The following CYP4F12 variants were observed in gnomAD, a reference collection of about 807,000 sequenced individuals.
CYP4F12 encodes the protein cytochrome P450 4F12.
In CYP4F12, 60 loss-of-function variants were observed where a neutral mutation model predicts 56.5. The ratio of observed to expected loss-of-function variants is 1.06; its 90% confidence interval spans 0.86 to 1.32. CYP4F12 has a LOEUF of 1.32. Ranked by LOEUF, CYP4F12 falls within the 40% of genes most tolerant of loss-of-function variation. The pLI is 0.00. For synonymous variants in CYP4F12, 263 were observed against 264.9 expected (o/e 0.99, Z 0.07); for missense variants, 711 against 683.5 (o/e 1.04, Z -0.45).
intron 3 of CYP4F12, among the ~76,000 whole-genome samples, chr19:15,679,034 A>T (rs2007139520): frequency 6.6e-6 from 1 of 152,174 alleles, no homozygotes; most frequent in African/African-American, 2.4e-5. Flanking sequence ...ATTCTCCAAT[A>T]GGAGAACCCA....
chr19:15,685,600 A>G (rs1327052493), intron 9 of CYP4F12, among the ~76,000 whole-genome samples: 2 of 152,122 alleles, frequency 1.3e-5, no homozygotes, highest in Non-Finnish European at 2.9e-5. Context: ...TAGTACTAGG[A>G]GCAGAGCACA....
rs573058331 is a variant in CYP4F12 at position 15,695,072 on chromosome 19, A to G, written c.1116-864A>G. ...GCACATGTATGTTTATTGCGGCACT[A>G]TTCACAACAGCAAAGACTTGGAACC... is the stretch of plus-strand genomic sequence containing the variant. On this transcript the variant is annotated intron_variant, in intron 9 of 12. Transcript: ENST00000550308. Among the ~76,000 whole-genome samples, 249 of 152,240 alleles carry G rather than the reference A, an allele frequency of 1.6e-3. 1 individual carries two copies. The highest frequency in any genetic ancestry group is 5.9e-3 in the African/African-American group (243 of 41,536).
chr19:15,684,909 T>A, intron 8 of CYP4F12, 27 bp downstream of exon 8: 1 of 1,585,870 alleles, frequency 6.3e-7, no homozygotes. Flanking sequence ...GGGACTACAG[T>A]GGAGACAGAG....
intron 9 of CYP4F12, among the ~76,000 whole-genome samples, chr19:15,694,758 C>A (rs2008041767): frequency 6.6e-6 from 1 of 152,162 alleles, no homozygotes; most frequent in Admixed American, 6.5e-5. Context: ...AAAATGCTCA[C>A]CATCACTGGC....
intron 9 of CYP4F12, among the ~76,000 whole-genome samples, chr19:15,688,943 G>C (rs781361878): frequency 6.6e-6 from 1 of 151,850 alleles, no homozygotes; most frequent in Non-Finnish European, 1.5e-5. Flanking sequence ...CTCTCACCTT[G>C]TACAAAAATC....
intron 9 of CYP4F12, among the ~76,000 whole-genome samples, chr19:15,690,934 A>C (rs1236747820): frequency 2.0e-5 from 3 of 151,944 alleles, no homozygotes; most frequent in Admixed American, 2.0e-4. Context: ...TATATTCCTT[A>C]TATTTTTTGT....
chr19:15,690,959 A>G (rs575362336), intron 9 of CYP4F12, among the ~76,000 whole-genome samples: 2 of 152,288 alleles, frequency 1.3e-5, no homozygotes, highest in African/African-American at 2.4e-5. Flanking sequence ...TGGTATTTAC[A>G]TATATGGACA....
rs1192876507 is a variant in CYP4F12, at chr19:15,680,281, C to A, written c.381C>A (p.Phe127Leu). 1.9e-6 allele frequency: 3 copies of A among 1,611,506 alleles called. No homozygotes were observed. Among genetic ancestry groups the A allele is most frequent in the African/African-American group, 1.3e-5 (1 of 75,010 alleles). The change falls in exon 4 of 13, where the codon TTC (phenylalanine) becomes TTA (leucine). Residue 127 changes from phenylalanine to leucine, a missense_variant. Transcript: ENST00000550308. Reference sequence around the variant, plus strand: ...CCAAGGATAATCTCTTCATCAGGTTCCTGAAGCCCTGGCTGGGTGAGTACC... The same window carrying A: ...CCAAGGATAATCTCTTCATCAGGTTACTGAAGCCCTGGCTGGGTGAGTACC... The part of the protein sequence containing the change: ...IAPKDNLFIR[F>L]LKPWLGEGIL...
intron 9 of CYP4F12, among the ~76,000 whole-genome samples, chr19:15,685,697 A>G (rs660247): frequency 0.57 from 86,724 of 152,000 alleles, 25,096 homozygotes; most frequent in East Asian, 0.71. Context: ...GAGAGAACTA[A>G]GGACAATATA....
At position 15,688,367 on chromosome 19, in the gene CYP4F12, CAAAAA is replaced by C. The variant is rs57886955; in HGVS notation, c.1115+3179_1115+3183del. 1.3e-3 allele frequency among the ~76,000 whole-genome samples: 193 copies of C among 146,776 alleles called. 3 individuals are homozygous for C. In the South Asian group the frequency reaches 0.037, roughly 28 times the overall value. Reference sequence around the variant, plus strand: ...AAACAAACAAACAAAAAAACAGTTGCAAAAAAAAAAAAATACCTAGGAATATACTT... The same window carrying C: ...AAACAAACAAACAAAAAAACAGTTGCAAAAAAAATACCTAGGAATATACTT... On this transcript the variant is annotated intron_variant, in intron 9 of 12. Transcript: ENST00000550308.
intron 5 of CYP4F12, 159 bp downstream of exon 5, chr19:15,680,678 T>C (rs1277141144): frequency 3.2e-6 from 3 of 940,240 alleles, no homozygotes; most frequent in Admixed American, 2.0e-5. Flanking sequence ...TGATAATCCC[T>C]ACTTGAAAGG....
At chr19:15,681,121 T>A (rs543331602) in intron 5 of CYP4F12, 1 of 171,422 alleles carries the variant, frequency 5.8e-6, no homozygotes, top group African/African-American at 2.4e-5. Context: ...GAGGCTGCAA[T>A]GTCTGTGGAC....
At chr19:15,695,703 T>C (rs1302260090) in intron 9 of CYP4F12, among the ~76,000 whole-genome samples, 1 of 152,250 alleles carries the variant, frequency 6.6e-6, no homozygotes, top group East Asian at 1.9e-4. Flanking sequence ...TACCGCTGGC[T>C]TCTGGGTGTT....
At position 15,678,313 on chromosome 19, in the gene CYP4F12, A is replaced by G. The variant is rs368124975; in HGVS notation, c.251A>G (p.Tyr84Cys). 54 of 1,614,174 alleles carry G rather than the reference A, an allele frequency of 3.3e-5. No homozygotes were observed. In the African/African-American group the frequency reaches 4.4e-4, roughly 13 times the overall value. The change falls in exon 3 of 13, where the codon TAT becomes TGT. Residue 84 changes from tyrosine to cysteine, a missense_variant. Physicochemically the swap from Tyr to Cys is radical, Grantham distance 194 (BLOSUM62 -2). Coordinates refer to ENST00000550308, the MANE Select transcript of CYP4F12 (RefSeq NM_023944.4). Reference protein sequence around the residue: ...LKNSTQMSATYSQGFTVWLGP... With the variant: ...LKNSTQMSATCSQGFTVWLGP... ...AACTCGACCCAGATGTCGGCCACCT[A>G]TTCCCAGGGCTTTACGGTATGGCTG...
chr19:15,695,878 G>T (rs2008106047), intron 9 of CYP4F12, 58 bp from the exon 10 acceptor site: 3 of 1,555,290 alleles, frequency 1.9e-6, no homozygotes, highest in African/African-American at 1.4e-5. Context: ...AAATAGAAAA[G>T]GTGGAGAGTT....
chr19:15,677,303 T>C (rs1165531740), intron 2 of CYP4F12, among the ~76,000 whole-genome samples: 36 of 15,642 alleles, frequency 2.3e-3, no homozygotes, highest in Admixed American at 4.1e-3. Context: ...AACTCATTCC[T>C]CTGCTCACTT....
chr19:15,690,870 A>G (rs578218387), intron 9 of CYP4F12, among the ~76,000 whole-genome samples: 4 of 152,148 alleles, frequency 2.6e-5, no homozygotes, highest in Non-Finnish European at 4.4e-5. Flanking sequence ...TTTGTCATCT[A>G]TCTGTCTGTC....
chr19:15,677,440 T>C (rs369218759), intron 2 of CYP4F12, among the ~76,000 whole-genome samples: 2 of 3,418 alleles, frequency 5.9e-4, no homozygotes, highest in African/African-American at 1.7e-3. Context: ...ATTCATTCCT[T>C]TACCCACTCA....
At chr19:15,691,340 A>G (rs566498179) in intron 9 of CYP4F12, among the ~76,000 whole-genome samples, 2 of 152,390 alleles carry the variant, frequency 1.3e-5, no homozygotes, top group Non-Finnish European at 2.9e-5. Context: ...ATGTATAAAC[A>G]TCACTGCAGG....
Sources: gnomAD v4.1 joint callset for allele counts (sites outside exome capture counted in the v4.1 genomes callset) on GRCh38, gnomAD v4.1.1 for gene constraint, MANE v1.5 for transcripts, NCBI Gene and HGNC (gene_info 2026-07-23, HGNC 2026-07-21) for gene names.